SUPT3H: variants seen among roughly 807,000 people sequenced by gnomAD.
SUPT3H encodes the protein transcription initiation protein SPT3 homolog.
A neutral mutation model predicts 44.3 loss-of-function variants in SUPT3H; 44 were observed. That is an observed-to-expected ratio of 0.99 (90% CI 0.78 to 1.28). The LOEUF (loss-of-function observed/expected upper bound fraction) is 1.28. SUPT3H is among the 50% of genes most tolerant of loss of function. SUPT3H has a pLI of 0.00. For missense variants in SUPT3H, 380 were observed against 387.1 expected (o/e 0.98, Z 0.15); for synonymous variants, 124 against 125.6 (o/e 0.99, Z 0.09).
rs1309918242 is a variant in SUPT3H, at chr6:45,242,085, T to G, written c.101+123116A>C. ...AAACTACAGAGCAAATTTACTTGACTTGGTCTTCTGCTGTAAACAACCAGA... is the reference window on the plus strand; with the variant it reads ...AAACTACAGAGCAAATTTACTTGACGTGGTCTTCTGCTGTAAACAACCAGA... On this transcript the variant is annotated intron_variant, in intron 2 of 10. Transcript: ENST00000371459. Among the ~76,000 whole-genome samples, 3 of 152,232 alleles carry G rather than the reference T, an allele frequency of 2.0e-5. No individual in the cohort carries two copies. In the East Asian group the frequency reaches 5.8e-4, roughly 29 times the overall value.
intron 10 of SUPT3H, among the ~76,000 whole-genome samples, chr6:44,857,386 A>C (rs1582021321): frequency 6.6e-6 from 1 of 152,180 alleles, no homozygotes; most frequent in African/African-American, 2.4e-5. Flanking sequence ...GAGCAGTCTC[A>C]TTGGGAGAGA....
intron 2 of SUPT3H, among the ~76,000 whole-genome samples, chr6:45,200,484 C>A (rs138304679): frequency 3.8e-4 from 58 of 151,500 alleles, no homozygotes; most frequent in Admixed American, 2.2e-3. Context: ...TAACAAGATC[C>A]TAAAGCCTCA....
chr6:45,237,393 A>AC (rs1164185081), intron 2 of SUPT3H, among the ~76,000 whole-genome samples: 1 of 152,198 alleles, frequency 6.6e-6, no homozygotes, highest in Non-Finnish European at 1.5e-5. Flanking sequence ...GGAATATTCA[A>AC]CCAATTATAA....
intron 6 of SUPT3H, among the ~76,000 whole-genome samples, chr6:44,991,158 A>T (rs1780566516): frequency 6.6e-6 from 1 of 152,108 alleles, no homozygotes. Context: ...AAAAAATGAG[A>T]TAAAATGCCC....
At chr6:45,217,575 C>T (rs536438686) in intron 2 of SUPT3H, among the ~76,000 whole-genome samples, 8 of 152,024 alleles carry the variant, frequency 5.3e-5, no homozygotes, top group South Asian at 2.1e-4. Flanking sequence ...GAAAATTATA[C>T]AAAATATAGT....
chr6:44,970,476 A>T (rs1777412102), intron 6 of SUPT3H, among the ~76,000 whole-genome samples: 1 of 152,182 alleles, frequency 6.6e-6, no homozygotes, highest in Admixed American at 6.5e-5. Flanking sequence ...TTGGCAAATA[A>T]CATAAAAAGC....
In SUPT3H at chr6:44,956,243, G is replaced by C. The variant is rs537090709; in HGVS notation, c.581-1636C>G. Among the ~76,000 whole-genome samples, 7 of 151,786 alleles carry C rather than the reference G, an allele frequency of 4.6e-5. No homozygotes were observed. The South Asian group carries it at 1.5e-3, about 32-fold the overall frequency. Reference sequence around the variant, plus strand: ...CTCACGCCTGTAATCCCAGCACTTCGGAAGGCCAAGGTGGGCAGATCACGA... The same window carrying C: ...CTCACGCCTGTAATCCCAGCACTTCCGAAGGCCAAGGTGGGCAGATCACGA... On this transcript the variant is annotated intron_variant, in intron 7 of 10. Transcript: ENST00000371459.
intron 2 of SUPT3H, among the ~76,000 whole-genome samples, chr6:45,283,014 A>G (rs1442220558): frequency 6.6e-5 from 10 of 152,120 alleles, no homozygotes; most frequent in Admixed American, 5.9e-4. Context: ...GAAATAAAAT[A>G]CTTTACAGGC....
At chr6:45,122,145 C>G (rs1162732775) in intron 2 of SUPT3H, among the ~76,000 whole-genome samples, 1 of 152,056 alleles carries the variant, frequency 6.6e-6, no homozygotes, top group Non-Finnish European at 1.5e-5. Context: ...TATTTTCACA[C>G]AGGTGTCACC....
intron 6 of SUPT3H, among the ~76,000 whole-genome samples, chr6:44,996,186 T>G (rs944776129): frequency 2.0e-5 from 3 of 152,042 alleles, no homozygotes; most frequent in Middle Eastern, 3.4e-3. Context: ...TTCTCGGTTT[T>G]ACTAATCTAC....
intron 6 of SUPT3H, among the ~76,000 whole-genome samples, chr6:44,975,614 C>T (rs1037916869): frequency 2.0e-5 from 3 of 146,520 alleles, no homozygotes; most frequent in South Asian, 2.3e-4. Flanking sequence ...TAAAAGACTA[C>T]ACTTGGGTAC....
chr6:45,055,907 A>G (rs1216017952), intron 3 of SUPT3H, among the ~76,000 whole-genome samples: 2 of 152,218 alleles, frequency 1.3e-5, no homozygotes, highest in African/African-American at 4.8e-5. Context: ...ATGGGAGAAA[A>G]TATTAGCAAA....
chr6:45,118,933 G>C (rs1007600923), intron 2 of SUPT3H, among the ~76,000 whole-genome samples: 16 of 152,156 alleles, frequency 1.1e-4, no homozygotes, highest in African/African-American at 3.4e-4. Context: ...CCACTGCCAT[G>C]AAAGTATGAC....
chr6:44,882,791 A>G (rs929443223), intron 10 of SUPT3H, among the ~76,000 whole-genome samples: 3 of 152,182 alleles, frequency 2.0e-5, no homozygotes, highest in Admixed American at 2.0e-4. Flanking sequence ...AAACCAAATG[A>G]TCATCTCAAT....
intron 2 of SUPT3H, among the ~76,000 whole-genome samples, chr6:45,153,295 C>G (rs763237349): frequency 1.1e-4 from 16 of 152,136 alleles, no homozygotes. Context: ...ACTAGTGTAG[C>G]CCTAGTGGCC....
chr6:44,947,262 C>T (rs547593354), intron 9 of SUPT3H, among the ~76,000 whole-genome samples: 8 of 152,140 alleles, frequency 5.3e-5, no homozygotes, highest in East Asian at 1.9e-4. Flanking sequence ...TGGAAACAAA[C>T]CTGCAATATC....
intron 10 of SUPT3H, among the ~76,000 whole-genome samples, chr6:44,885,136 C>G (rs1405821878): frequency 6.6e-6 from 1 of 152,224 alleles, no homozygotes; most frequent in African/African-American, 2.4e-5. Flanking sequence ...GTGGAGCCCA[C>G]CACAGCTCAA....
At chr6:45,168,171 T>C (rs888271200) in intron 2 of SUPT3H, among the ~76,000 whole-genome samples, 16 of 151,902 alleles carry the variant, frequency 1.1e-4, no homozygotes, top group African/African-American at 3.9e-4. Flanking sequence ...TTATGCTCTT[T>C]TCCTTTTAGT....
At chr6:45,287,324 A>G (rs1323979733) in intron 2 of SUPT3H, among the ~76,000 whole-genome samples, 1 of 152,174 alleles carries the variant, frequency 6.6e-6, no homozygotes, top group Non-Finnish European at 1.5e-5. Flanking sequence ...TGTTCATAAC[A>G]CCATTATTCA....
Sources: allele counts gnomAD v4.1 joint callset (sites outside exome capture counted in the v4.1 genomes callset), GRCh38; gene constraint gnomAD v4.1.1; transcripts MANE v1.5; gene names NCBI Gene and HGNC (gene_info 2026-07-23, HGNC 2026-07-21).